Variants in PCDH11X observed in about 807,000 individuals in gnomAD.
PCDH11X encodes protocadherin 11 X-linked.
A neutral mutation model predicts 53.3 loss-of-function variants in PCDH11X; 18 were observed. The observed-to-expected ratio is 0.34, with a 90% CI of 0.23 to 0.50. The LOEUF (loss-of-function observed/expected upper bound fraction) is 0.50, where lower values mean the gene tolerates loss of function less well. Ranked by LOEUF, PCDH11X falls within the 20% of genes least tolerant of loss-of-function variation. PCDH11X has a pLI of 0.98. For synonymous variants in PCDH11X, 279 were observed against 393.3 expected (o/e 0.71, Z 3.44); for missense variants, 570 against 1,032.4 (o/e 0.55, Z 6.14).
At chrX:92,507,283 C>T (rs777810642) in intron 10 of PCDH11X, among the ~76,000 whole-genome samples, 81 of 110,284 alleles carry the variant, frequency 7.3e-4, no homozygotes, top group Middle Eastern at 4.6e-3. Context: ...TTGGTTTGCT[C>T]TTGTTTTTCT....
In PCDH11X at chrX:92,060,468, A is replaced by G. The variant is rs539600611; in HGVS notation, c.3034-140907A>G. Among the ~76,000 whole-genome samples the G allele has an allele frequency of 2.3e-4, 25 of 108,075 alleles. No homozygotes were observed. The South Asian group carries it at 9.0e-3, about 39-fold the overall frequency. The allele number at this position is 108,075 out of a possible 115,157, so 93.9% of individuals were successfully genotyped here. A position where few individuals can be genotyped will look rare whatever the true frequency, so the allele number is the denominator to read the frequency against. The stretch of plus-strand genomic sequence containing the variant: ...ATAGTACCTGACAGACAGATTTTCA[A>G]TCCTCAGCCTCTGCACACCCTCCAC... On this transcript the variant is annotated intron_variant, in intron 6 of 10. Transcript: ENST00000682573.
chrX:91,955,445 C>T (rs1271285141), intron 6 of PCDH11X, among the ~76,000 whole-genome samples: 2 of 110,454 alleles, frequency 1.8e-5, no homozygotes, highest in African/African-American at 6.6e-5. Flanking sequence ...TTGGCGGTGT[C>T]CCAGAGATTC....
chrX:91,822,747 T>G (rs1936741379), intron 4 of PCDH11X, among the ~76,000 whole-genome samples: 1 of 111,014 alleles, frequency 9.0e-6, no homozygotes, highest in South Asian at 3.8e-4. Context: ...GCTTTTCTAG[T>G]TCTTTTAATT....
intron 6 of PCDH11X, among the ~76,000 whole-genome samples, chrX:92,077,281 G>A (rs2063786773): frequency 9.2e-6 from 1 of 108,215 alleles, no homozygotes; most frequent in Non-Finnish European, 1.9e-5. Flanking sequence ...TAGGCAATCA[G>A]TGTATACCTG....
intron 10 of PCDH11X, among the ~76,000 whole-genome samples, chrX:92,532,738 C>A (rs1292749280): frequency 9.2e-6 from 1 of 108,611 alleles, no homozygotes; most frequent in Non-Finnish European, 1.9e-5. Flanking sequence ...AGTTCCTTTT[C>A]ACATGCTGAT....
At chrX:91,820,197 TGGCTG>T (rs1332511101) in intron 4 of PCDH11X, among the ~76,000 whole-genome samples, 5 of 87,958 alleles carry the variant, frequency 5.7e-5, no homozygotes, top group Non-Finnish European at 1.0e-4. Flanking sequence ...AGTAATGGGA[TGGCTG>T]GGTCAAATGG....
rs1474260468 is a variant in PCDH11X, at chrX:92,622,317, T to C, written c.*3377T>C. 3 of 109,525 alleles carry C rather than the reference T, an allele frequency of 2.7e-5. No individual in the cohort carries two copies. Among genetic ancestry groups the C allele is most frequent in the Non-Finnish European group, 5.7e-5 (3 of 52,493 alleles). 9.0% of individuals were successfully genotyped at this position (109,525 alleles called of 1,213,427 possible). On this transcript the variant is annotated 3_prime_UTR_variant, in exon 11 of 11. Transcript: ENST00000682573. ...AAATTGTTCAGTTCTTAAAATGTAA[T>C]TATGTCACACACACAAAAAATCCTT...
chrX:92,158,219 A>G (rs1484436260), intron 6 of PCDH11X, among the ~76,000 whole-genome samples: 2 of 111,630 alleles, frequency 1.8e-5, no homozygotes, highest in Non-Finnish European at 3.8e-5. Flanking sequence ...TCTTTCTAAA[A>G]ACAAAACAAA....
intron 6 of PCDH11X, among the ~76,000 whole-genome samples, chrX:91,933,657 C>T (rs751294870): frequency 1.8e-5 from 2 of 111,250 alleles, no homozygotes; most frequent in East Asian, 2.9e-4. Flanking sequence ...TCAAAATATT[C>T]GCTAGTTTCT....
intron 7 of PCDH11X, among the ~76,000 whole-genome samples, chrX:92,221,585 ACTTT>A (rs1244483642): frequency 8.9e-6 from 1 of 111,875 alleles, no homozygotes; most frequent in Non-Finnish European, 1.9e-5. Flanking sequence ...GAAAATACTT[ACTTT>A]GACTAATCTA....
chrX:92,142,405 C>A (rs1444097709), intron 6 of PCDH11X, among the ~76,000 whole-genome samples: 1 of 108,092 alleles, frequency 9.3e-6, no homozygotes, highest in Non-Finnish European at 1.9e-5. Flanking sequence ...CACACATCTA[C>A]ACATACACAT....
At position 92,478,307 on chromosome X, in the gene PCDH11X, T is replaced by A. The variant is rs753620481; in HGVS notation, c.3367+9985T>A. The stretch of plus-strand genomic sequence containing the variant: ...TGTTACACAATCTATTTCACTAATT[T>A]AAAAAAAAACCTCCTAGATTCATTC... On this transcript the variant is annotated intron_variant, in intron 10 of 10. Coordinates refer to ENST00000682573, the MANE Select transcript of PCDH11X (RefSeq NM_032968.5). 4.5e-5 allele frequency among the ~76,000 whole-genome samples: 5 copies of A among 110,569 alleles called. 1 individual carries two copies. The highest frequency in any genetic ancestry group is 7.6e-4 in the South Asian group (2 of 2,618).
In PCDH11X at chrX:92,106,728, C is replaced by T. The variant is rs186426251; in HGVS notation, c.3034-94647C>T. Among the ~76,000 whole-genome samples the T allele has an allele frequency of 2.7e-3, 303 of 111,942 alleles. 2 individuals carry two copies. The highest frequency in any genetic ancestry group is 5.1e-3 in the Non-Finnish European group (272 of 53,236). On this transcript the variant is annotated intron_variant, in intron 6 of 10. Transcript: ENST00000682573. ...TCTATAGTTAACAAGATATCACTTA[C>T]ATTTTCTAAGACACTCTCTTGGATT...
rs748083278 is a variant in PCDH11X, at chrX:91,898,940, G to A, written c.3033+19667G>A. On this transcript the variant is annotated intron_variant, in intron 6 of 10. Coordinates refer to ENST00000682573, the MANE Select transcript of PCDH11X (RefSeq NM_032968.5). The stretch of plus-strand genomic sequence containing the variant: ...TCTTCTTGTGTTAAATGGGGATGAT[G>A]GATTGTTCAGAACCTCAATGAGATG... 3.7e-5 allele frequency among the ~76,000 whole-genome samples: 4 copies of A among 108,797 alleles called. No homozygotes were observed. The East Asian group carries it at 1.2e-3, about 32-fold the overall frequency. The allele number at this position is 108,797 out of a possible 115,157, so 94.5% of individuals were successfully genotyped here.
intron 10 of PCDH11X, among the ~76,000 whole-genome samples, chrX:92,483,955 C>T (rs1295874951): frequency 6.2e-4 from 66 of 107,250 alleles, no homozygotes; most frequent in Middle Eastern, 4.8e-3. Flanking sequence ...TGGGTATCTA[C>T]CCAGAGGAAA....
chrX:91,857,053 A>G (rs1326949139), intron 5 of PCDH11X, among the ~76,000 whole-genome samples: 1 of 111,354 alleles, frequency 9.0e-6, no homozygotes, highest in Non-Finnish European at 1.9e-5. Flanking sequence ...CATACCCAAG[A>G]CTGGGTAATT....
chrX:92,235,066 G>A (rs183753650), intron 7 of PCDH11X, among the ~76,000 whole-genome samples: 1 of 111,126 alleles, frequency 9.0e-6, no homozygotes, highest in African/African-American at 3.3e-5. Flanking sequence ...AGAGATACAA[G>A]ATGAAGAAAC....
At chrX:92,237,502 G>A (rs1003429714) in intron 7 of PCDH11X, among the ~76,000 whole-genome samples, 1 of 111,173 alleles carries the variant, frequency 9.0e-6, no homozygotes, top group African/African-American at 3.3e-5. Context: ...ATGCATGTAA[G>A]GCTTTAGCAT....
In PCDH11X at chrX:92,540,276, G is replaced by A. The variant is rs375576361; in HGVS notation, c.3367+71954G>A. Among the ~76,000 whole-genome samples, 5 of 109,629 alleles carry A rather than the reference G, an allele frequency of 4.6e-5. No homozygotes were observed. The East Asian group carries it at 1.4e-3, about 32-fold the overall frequency. ...TAAGCTGGCACTCACACCACAATAC[G>A]AAGTCCTTCCTGCTTTTCCCTCCTC... On this transcript the variant is annotated intron_variant, in intron 10 of 10. Transcript: ENST00000682573.
Sources: gnomAD v4.1 joint callset for allele counts (sites outside exome capture counted in the v4.1 genomes callset) on GRCh38, gnomAD v4.1.1 for gene constraint, MANE v1.5 for transcripts, NCBI Gene and HGNC (gene_info 2026-07-23, HGNC 2026-07-21) for gene names.